AASDH: variants seen among roughly 807,000 people sequenced by gnomAD.
AASDH encodes the protein beta-alanine-activating enzyme.
Under a neutral mutation model 102.3 loss-of-function variants are expected in AASDH, and 81 were observed. The ratio of observed to expected loss-of-function variants is 0.79; its 90% confidence interval spans 0.66 to 0.95. The LOEUF (loss-of-function observed/expected upper bound fraction) is 0.95. AASDH is among the 40% of genes least tolerant of loss of function. The pLI, the probability that AASDH is intolerant of heterozygous loss-of-function variation, is 0.00. For synonymous variants in AASDH, 398 were observed against 454.0 expected, an observed-to-expected ratio of 0.88 and a Z score of 1.57; for missense variants, 1,203 against 1,266.2, an observed-to-expected ratio of 0.95 and a Z score of 0.76.
intron 5 of AASDH, among the ~76,000 whole-genome samples, chr4:56,361,019 A>T (rs910573417): frequency 6.6e-6 from 1 of 152,220 alleles, no homozygotes; most frequent in Non-Finnish European, 1.5e-5. Flanking sequence ...CATTTTCACT[A>T]AGCCGAATTT....
intron 5 of AASDH, among the ~76,000 whole-genome samples, chr4:56,364,655 G>C (rs556284389): frequency 7.9e-5 from 12 of 152,150 alleles, no homozygotes; most frequent in Non-Finnish European, 1.0e-4. Context: ...ATACTTTACA[G>C]ATAAGCAAAT....
At chr4:56,348,594 G>T (rs936148168) in intron 11 of AASDH, among the ~76,000 whole-genome samples, 5 of 152,092 alleles carry the variant, frequency 3.3e-5, no homozygotes, top group African/African-American at 1.2e-4. Flanking sequence ...AACAAAAAAT[G>T]ATGGTATGGA....
At chr4:56,378,106 T>G (rs1752557021) in intron 4 of AASDH, 42 bp downstream of exon 4, 2 of 1,540,500 alleles carry the variant, frequency 1.3e-6, no homozygotes, top group Non-Finnish European at 1.7e-6. Context: ...ACACCTGGCC[T>G]AAAATATAGA....
At chr4:56,340,181 T>C (rs1217767044) in intron 14 of AASDH, among the ~76,000 whole-genome samples, 1 of 151,784 alleles carries the variant, frequency 6.6e-6, no homozygotes, top group Non-Finnish European at 1.5e-5. Context: ...AAAATAAAAT[T>C]AAAGAAAATA....
At position 56,359,550 on chromosome 4, in the gene AASDH, G is replaced by A. The variant is rs147685517; in HGVS notation, c.862-4127C>T. Reference sequence around the variant, plus strand: ...GAGTATAGGCGTGAGTCACCTCACCGTGCCCGGCCTTATGTTCTTTTTTTT... The same window carrying A: ...GAGTATAGGCGTGAGTCACCTCACCATGCCCGGCCTTATGTTCTTTTTTTT... On this transcript the variant is annotated intron_variant, in intron 5 of 14. Transcript: ENST00000205214. Among the ~76,000 whole-genome samples the A allele has an allele frequency of 8.9e-3, 1,354 of 151,332 alleles. 11 individuals carry two copies. The highest frequency in any genetic ancestry group is 0.014 in the Middle Eastern group (4 of 292).
chr4:56,363,563 C>G (rs981860807), intron 5 of AASDH, among the ~76,000 whole-genome samples: 28 of 152,304 alleles, frequency 1.8e-4, no homozygotes, highest in Non-Finnish European at 1.0e-4. Flanking sequence ...TTGCAGTTCA[C>G]CAATATCCGC....
At chr4:56,367,702 T>G (rs1340522514) in intron 5 of AASDH, among the ~76,000 whole-genome samples, 1 of 143,960 alleles carries the variant, frequency 6.9e-6, no homozygotes, top group Non-Finnish European at 1.5e-5. Flanking sequence ...CCTTACACCT[T>G]ATACAAAAAT....
At chr4:56,356,043 A>G in intron 5 of AASDH, 1 of 512,124 alleles carries the variant, frequency 2.0e-6, no homozygotes. Context: ...AATCTATAAA[A>G]TCAATTTACC....
chr4:56,372,835 T>TGAAGACCC (rs1258222472), intron 4 of AASDH, among the ~76,000 whole-genome samples: 1 of 152,230 alleles, frequency 6.6e-6, no homozygotes, highest in Non-Finnish European at 1.5e-5. Context: ...GGCTTCAGAA[T>TGAAGACCC]GAAGACCCAA....
chr4:56,355,222 T>G lies in AASDH; in HGVS notation c.1063A>C (p.Ile355Leu). ...GITEVSSWATIYRIPEKTLNS... is the reference protein window; with the variant it reads ...GITEVSSWATLYRIPEKTLNS... ...AGAGTCTTCTCTGGAATCCTATAAATGGTCGCCCAACTTGATACCTCTGTG... is the reference window on the plus strand; with the variant it reads ...AGAGTCTTCTCTGGAATCCTATAAAGGGTCGCCCAACTTGATACCTCTGTG... The change falls in exon 6 of 15, where the codon ATT becomes CTT. Residue 355 changes from isoleucine to leucine, a missense_variant. Ile to Leu is a conservative substitution (Grantham distance 5, BLOSUM62 2). Coordinates refer to ENST00000205214, the MANE Select transcript of AASDH (RefSeq NM_181806.4). 1 of 1,614,094 alleles carries G rather than the reference T, an allele frequency of 6.2e-7. No homozygotes were observed. The highest frequency in any genetic ancestry group is 8.5e-7 in the Non-Finnish European group (1 of 1,179,994).
chr4:56,382,246 G>A (rs1010214681), intron 3 of AASDH: 12 of 379,918 alleles, frequency 3.2e-5, no homozygotes, highest in African/African-American at 1.7e-4. Context: ...TGTTATGACT[G>A]GGAGGTGCTA....
In AASDH at chr4:56,359,145, TAACCTGCCTGGACTA is replaced by T. The variant is rs1375356381; in HGVS notation, c.862-3737_862-3723del. Among the ~76,000 whole-genome samples, 8 of 151,944 alleles carry T rather than the reference TAACCTGCCTGGACTA, an allele frequency of 5.3e-5. No homozygotes were observed. In the East Asian group the frequency reaches 1.5e-3, roughly 29 times the overall value. ...TTTTGCTAGTGCATTTCTTTGCTAG[TAACCTGCCTGGACTA>T]AATCCATGAAGTCTGTCTCCCCTCA... On this transcript the variant is annotated intron_variant, in intron 5 of 14. Transcript: ENST00000205214.
rs769513745 is a variant in AASDH at position 56,345,125 on chromosome 4, AC to A, written c.2652+1del. 2.4e-5 allele frequency: 38 copies of A among 1,613,650 alleles called. No individual in the cohort carries two copies. The highest frequency in any genetic ancestry group is 3.1e-5 in the Non-Finnish European group (36 of 1,179,844). ...CCCAGCTAATTTGAGGTCAATCCTT[AC>A]ATAAATATCTAAAGCATATGCGTGC... is the stretch of plus-strand genomic sequence containing the variant. On this transcript the variant is annotated splice_donor_variant, in intron 12 of 14. Coordinates refer to ENST00000205214, the MANE Select transcript of AASDH (RefSeq NM_181806.4). LOFTEE classifies it high-confidence loss of function.
chr4:56,369,989 A>G (rs187017508), intron 5 of AASDH, among the ~76,000 whole-genome samples: 1 of 151,840 alleles, frequency 6.6e-6, no homozygotes, highest in African/African-American at 2.4e-5. Flanking sequence ...AATAATTAAG[A>G]TGCACATATG....
chr4:56,379,294 C>T (rs1752708118), intron 3 of AASDH, among the ~76,000 whole-genome samples: 1 of 152,094 alleles, frequency 6.6e-6, no homozygotes, highest in African/African-American at 2.4e-5. Flanking sequence ...CCAAAACACC[C>T]AGCTAGCTTT....
At chr4:56,341,833 C>T (rs535119089) in intron 14 of AASDH, among the ~76,000 whole-genome samples, 16 of 151,656 alleles carry the variant, frequency 1.1e-4, no homozygotes, top group African/African-American at 3.1e-4. Flanking sequence ...AGTTGGGGGC[C>T]GGGCGTGGTG....
chr4:56,356,272 CAA>C, intron 5 of AASDH: 1 of 1,041,058 alleles, frequency 9.6e-7, no homozygotes, highest in Non-Finnish European at 1.5e-6. Context: ...ACATCCAGCC[CAA>C]AAGAGACCTC....
At chr4:56,353,223 C>T (rs1749202658) in intron 9 of AASDH, among the ~76,000 whole-genome samples, 181 bp downstream of exon 9, 1 of 152,074 alleles carries the variant, frequency 6.6e-6, no homozygotes, top group Non-Finnish European at 1.5e-5. Context: ...AATAATACCA[C>T]CTATCCACAG....
intron 5 of AASDH, among the ~76,000 whole-genome samples, chr4:56,359,778 T>C (rs1207186954): frequency 1.3e-5 from 2 of 149,890 alleles, no homozygotes; most frequent in African/African-American, 4.9e-5. Flanking sequence ...AGGCTAGTCT[T>C]GAACTCCTGA....
Sources: gnomAD v4.1 joint callset for allele counts (sites outside exome capture counted in the v4.1 genomes callset) on GRCh38, gnomAD v4.1.1 for gene constraint, MANE v1.5 for transcripts, NCBI Gene and HGNC (gene_info 2026-07-23, HGNC 2026-07-21) for gene names.